The following ADGRB3 variants were observed in gnomAD, a reference collection of about 807,000 sequenced individuals.
The protein encoded by ADGRB3 is adhesion G protein-coupled receptor B3.
A neutral mutation model predicts 193.4 loss-of-function variants in ADGRB3; 37 were observed. The ratio of observed to expected loss-of-function variants is 0.19; its 90% confidence interval spans 0.15 to 0.25. ADGRB3 has a LOEUF of 0.25. Ranked by LOEUF, ADGRB3 falls within the 10% of genes least tolerant of loss-of-function variation. The pLI, the probability that ADGRB3 is intolerant of heterozygous loss-of-function variation, is 1.00. For synonymous variants in ADGRB3, 690 were observed against 644.2 expected (o/e 1.07, Z -1.08); for missense variants, 1,637 against 1,852.9 (o/e 0.88, Z 2.14).
At chr6:69,290,195 G>A (rs1217304789) in intron 20 of ADGRB3, among the ~76,000 whole-genome samples, 1 of 152,032 alleles carries the variant, frequency 6.6e-6, no homozygotes, top group Non-Finnish European at 1.5e-5. Flanking sequence ...CCCTTCCCTG[G>A]AGAAAATCAG....
chr6:69,330,320 T>C (rs1173686837), intron 22 of ADGRB3, among the ~76,000 whole-genome samples, 186 bp from the exon 23 acceptor site: 2 of 152,202 alleles, frequency 1.3e-5, no homozygotes, highest in Middle Eastern at 3.2e-3. Flanking sequence ...ATATATAGTA[T>C]TTCTTACTTA....
chr6:68,841,165 C>G, intron 3 of ADGRB3, among the ~76,000 whole-genome samples: 1 of 152,122 alleles, frequency 6.6e-6, no homozygotes, highest in East Asian at 1.9e-4. Context: ...GAGATTTCAA[C>G]AACACATTTT....
At chr6:69,115,059 C>G (rs554408969) in intron 17 of ADGRB3, among the ~76,000 whole-genome samples, 1 of 152,220 alleles carries the variant, frequency 6.6e-6, no homozygotes, top group East Asian at 1.9e-4. Flanking sequence ...GATCTAGAAC[C>G]AGAAATACCA....
At chr6:69,034,804 G>A (rs937307552) in intron 13 of ADGRB3, among the ~76,000 whole-genome samples, 1 of 151,638 alleles carries the variant, frequency 6.6e-6, no homozygotes, top group Non-Finnish European at 1.5e-5. Flanking sequence ...CTCAATTAGT[G>A]TTCACTGGTA....
At chr6:69,193,244 G>T (rs1765231500) in intron 17 of ADGRB3, among the ~76,000 whole-genome samples, 1 of 152,052 alleles carries the variant, frequency 6.6e-6, no homozygotes, top group African/African-American at 2.4e-5. Flanking sequence ...TCTTCTGCCA[G>T]CTCCTGCCTA....
intron 3 of ADGRB3, among the ~76,000 whole-genome samples, chr6:68,798,314 G>A (rs1767249129): frequency 6.6e-6 from 1 of 152,130 alleles, no homozygotes; most frequent in South Asian, 2.1e-4. Flanking sequence ...AAAGTATTAA[G>A]AGATGAATAA....
At chr6:68,876,866 G>T (rs918407989) in intron 3 of ADGRB3, among the ~76,000 whole-genome samples, 1 of 151,742 alleles carries the variant, frequency 6.6e-6, no homozygotes, top group Non-Finnish European at 1.5e-5. Context: ...GTTTTAACTA[G>T]TTTACAGGTA....
chr6:69,351,400 C>T (rs1018351145), intron 26 of ADGRB3, among the ~76,000 whole-genome samples: 9 of 151,958 alleles, frequency 5.9e-5, no homozygotes, highest in Non-Finnish European at 1.0e-4. Flanking sequence ...CCCCCAGATA[C>T]GTTTTTAAGA....
intron 3 of ADGRB3, among the ~76,000 whole-genome samples, chr6:68,642,216 A>G (rs1160824228): frequency 6.6e-6 from 1 of 152,180 alleles, no homozygotes; most frequent in African/African-American, 2.4e-5. Context: ...GTATTGTACC[A>G]TAGAAGTGGC....
chr6:69,031,407 C>T (rs1389111135), intron 13 of ADGRB3, among the ~76,000 whole-genome samples: 1 of 147,512 alleles, frequency 6.8e-6, no homozygotes. Flanking sequence ...TGCCACTGCA[C>T]TCCAGCCTGG....
At chr6:69,301,504 A>G (rs980083063) in intron 20 of ADGRB3, among the ~76,000 whole-genome samples, 1 of 151,924 alleles carries the variant, frequency 6.6e-6, no homozygotes, top group Non-Finnish European at 1.5e-5. Context: ...TGCATAAAAA[A>G]GTGATTTCTT....
At chr6:68,953,054 T>G (rs926763215) in intron 6 of ADGRB3, among the ~76,000 whole-genome samples, 1 of 152,140 alleles carries the variant, frequency 6.6e-6, no homozygotes, top group Non-Finnish European at 1.5e-5. Flanking sequence ...GTTCTCATTC[T>G]TCCTAATATC....
chr6:69,116,783 C>T (rs1773544255), intron 17 of ADGRB3, among the ~76,000 whole-genome samples: 1 of 152,196 alleles, frequency 6.6e-6, no homozygotes, highest in Admixed American at 6.5e-5. Flanking sequence ...GGGCAGGTGG[C>T]TCATTGCCTG....
intron 6 of ADGRB3, among the ~76,000 whole-genome samples, chr6:68,952,223 A>G (rs1206125943): frequency 1.3e-5 from 2 of 152,100 alleles, no homozygotes; most frequent in African/African-American, 2.4e-5. Context: ...GGCCCATAAA[A>G]CAAATCCATT....
At chr6:68,772,268 G>T (rs1035451988) in intron 3 of ADGRB3, among the ~76,000 whole-genome samples, 4 of 152,080 alleles carry the variant, frequency 2.6e-5, no homozygotes, top group African/African-American at 9.7e-5. Flanking sequence ...AGGGCTAGAG[G>T]TGAAACTTAG....
chr6:68,922,888 T>C (rs1767083244), intron 3 of ADGRB3, among the ~76,000 whole-genome samples: 1 of 151,316 alleles, frequency 6.6e-6, no homozygotes, highest in Non-Finnish European at 1.5e-5. Context: ...ACTTGTCCCT[T>C]AGTATAATAA....
chr6:68,673,792 A>G (rs1330105421), intron 3 of ADGRB3, among the ~76,000 whole-genome samples: 1 of 151,950 alleles, frequency 6.6e-6, no homozygotes, highest in Non-Finnish European at 1.5e-5. Context: ...TTTAGTGCCT[A>G]ATTCTCCTGA....
chr6:68,787,188 A>T (rs562817467), intron 3 of ADGRB3, among the ~76,000 whole-genome samples: 9 of 152,214 alleles, frequency 5.9e-5, no homozygotes, highest in African/African-American at 1.9e-4. Flanking sequence ...TTCCAACACT[A>T]TGTTGAATAG....
In ADGRB3 at chr6:69,370,746, T is replaced by C. The variant is rs578083210; in HGVS notation, c.4240-1660T>C. On this transcript the variant is annotated intron_variant, in intron 29 of 31. Coordinates refer to ENST00000370598, the MANE Select transcript of ADGRB3 (RefSeq NM_001704.3). The stretch of plus-strand genomic sequence containing the variant: ...TGACTAATGTTTTATAATTATTGCT[T>C]AAAACTGTTTCCAGCCTTGAATTTT... Among the ~76,000 whole-genome samples, 3 of 152,264 alleles carry C rather than the reference T, an allele frequency of 2.0e-5. No individual in the cohort carries two copies. In the South Asian group the frequency reaches 6.2e-4, roughly 32 times the overall value.
Sources: allele counts gnomAD v4.1 joint callset (sites outside exome capture counted in the v4.1 genomes callset), GRCh38; gene constraint gnomAD v4.1.1; transcripts MANE v1.5; gene names NCBI Gene and HGNC (gene_info 2026-07-23, HGNC 2026-07-21).